The following CSF2RA variants were observed in gnomAD, a reference collection of about 807,000 sequenced individuals.
The protein encoded by CSF2RA is granulocyte-macrophage colony-stimulating factor receptor subunit alpha.
Under a neutral mutation model 51.6 loss-of-function variants are expected in CSF2RA, and 42 were observed. The ratio of observed to expected loss-of-function variants is 0.81; its 90% CI spans 0.64 to 1.05. The LOEUF is 1.05. Ranked by LOEUF, CSF2RA falls within the 50% of genes least tolerant of loss-of-function variation. The pLI is 0.00. For synonymous variants in CSF2RA, 222 were observed against 193.0 expected (o/e 1.15, Z -1.24); for missense variants, 530 against 501.1 (o/e 1.06, Z -0.55).
chrX:1,307,350 C>T (rs182781105), intron 12 of CSF2RA, among the ~76,000 whole-genome samples: 76 of 152,074 alleles, frequency 5.0e-4, no homozygotes, highest in East Asian at 1.2e-3. Context: ...CCACCCTTCC[C>T]CCTTTACACC....
At position 1,300,769 on chromosome X, in the gene CSF2RA, T is replaced by A. The variant is rs769050424; in HGVS notation, c.946+143T>A. Reference sequence around the variant, plus strand: ...TAGTGTCAGGCTCTGAGCTTATCGCTGAGGCTCAAAAGAAGGAGGTGGTCT... The same window carrying A: ...TAGTGTCAGGCTCTGAGCTTATCGCAGAGGCTCAAAAGAAGGAGGTGGTCT... On this transcript the variant is annotated intron_variant, in intron 10 of 12. Coordinates refer to ENST00000381529, the MANE Select transcript of CSF2RA (RefSeq NM_172245.4). The A allele has an allele frequency of 4.6e-6, 5 of 1,093,244 alleles. No individual in the cohort carries two copies. The South Asian group carries it at 6.4e-5, about 14-fold the overall frequency. The allele number at this position is 1,093,244 out of a possible 1,614,324, so 67.7% of individuals were successfully genotyped here. A position where few individuals can be genotyped will look rare whatever the true frequency, so the allele number is the denominator to read the frequency against.
the CSF2RA span, among the ~76,000 whole-genome samples, chrX:1,320,647 A>G: frequency 2.7e-5 from 4 of 145,956 alleles, no homozygotes; most frequent in Non-Finnish European, 4.5e-5. Context: ...ACAGGCGCCC[A>G]CCATCATGCC....
At chrX:1,295,233 A>G (rs1182960837) in intron 8 of CSF2RA, among the ~76,000 whole-genome samples, 194 bp from the exon 9 acceptor site, 4 of 145,200 alleles carry the variant, frequency 2.8e-5, no homozygotes, top group Non-Finnish European at 6.1e-5. Context: ...TCTGGCCAGG[A>G]AGACTTCTGT....
At chrX:1,292,707 T>C (rs1253677459) in intron 7 of CSF2RA, among the ~76,000 whole-genome samples, 1 of 152,126 alleles carries the variant, frequency 6.6e-6, no homozygotes, top group Admixed American at 6.6e-5. Flanking sequence ...ACAGGGCGGT[T>C]TTCTCCTGTC....
chrX:1,286,570 CAAAA>C (rs751865388), intron 4 of CSF2RA, among the ~76,000 whole-genome samples: 42,641 of 142,824 alleles, frequency 0.3, 6,285 homozygotes, highest in Admixed American at 0.35. Context: ...ACTCTGTCTC[CAAAA>C]AAAAAAAAAA....
chrX:1,283,275 CCT>C (rs1318607383), intron 3 of CSF2RA, among the ~76,000 whole-genome samples: 1 of 149,212 alleles, frequency 6.7e-6, no homozygotes, highest in African/African-American at 2.5e-5. Flanking sequence ...TTCTCTCCCT[CCT>C]GATTCATTTC....
intron 2 of CSF2RA, among the ~76,000 whole-genome samples, chrX:1,280,642 TC>T (rs749392476): frequency 2.7e-5 from 4 of 150,568 alleles, no homozygotes; most frequent in Admixed American, 2.0e-4. Context: ...CTCCTCCTTC[TC>T]CCCCCTTCCT....
At position 1,283,175 on chromosome X, in the gene CSF2RA, C is replaced by G. The variant is rs770762877; in HGVS notation, c.76+396C>G. Among the ~76,000 whole-genome samples, 414 of 112,838 alleles carry G rather than the reference C, an allele frequency of 3.7e-3. 2 individuals are homozygous for G. Among genetic ancestry groups the G allele is most frequent in the African/African-American group, 0.013 (395 of 29,688 alleles). The allele number at this position is 112,838 out of a possible 152,430, so 74.0% of individuals were successfully genotyped here. A position where few individuals can be genotyped will look rare whatever the true frequency, so the allele number is the denominator to read the frequency against. On this transcript the variant is annotated intron_variant, in intron 3 of 12. Coordinates refer to ENST00000381529, the MANE Select transcript of CSF2RA (RefSeq NM_172245.4). ...CCTTCGTTCCTTCCTTCGTTCCTTCCTTCCTTCCTTCCTTCCTTCCCTCCC... is the reference window on the plus strand; with the variant it reads ...CCTTCGTTCCTTCCTTCGTTCCTTCGTTCCTTCCTTCCTTCCTTCCCTCCC...
At chrX:1,320,803 A>ACG in the CSF2RA span, among the ~76,000 whole-genome samples, 1 of 148,150 alleles carries the variant, frequency 6.7e-6, no homozygotes, top group Non-Finnish European at 1.5e-5. Flanking sequence ...GAGCCACTGC[A>ACG]CCCAGCCTGT....
At chrX:1,287,016 C>G (rs756539281) in intron 4 of CSF2RA, among the ~76,000 whole-genome samples, 2 of 151,158 alleles carry the variant, frequency 1.3e-5, no homozygotes, top group Admixed American at 6.6e-5. Context: ...TATGGATGAT[C>G]GATAGATAGG....
chrX:1,321,392 C>T, the CSF2RA span, among the ~76,000 whole-genome samples: 1 of 151,892 alleles, frequency 6.6e-6, no homozygotes, highest in East Asian at 1.9e-4. Context: ...TGGCGTGAAC[C>T]CGGGAGGCGG....
At chrX:1,289,123 G>C (rs2091089685) in intron 6 of CSF2RA, 3 of 573,762 alleles carry the variant, frequency 5.2e-6, no homozygotes, top group Non-Finnish European at 9.3e-6. Flanking sequence ...CACCACACCA[G>C]GCCACATCTA....
intron 12 of CSF2RA, among the ~76,000 whole-genome samples, chrX:1,308,523 C>T (rs1254819246): frequency 6.6e-6 from 1 of 152,000 alleles, no homozygotes; most frequent in African/African-American, 2.4e-5. Context: ...CCTCTCCCAC[C>T]CACCTCTCTC....
intron 3 of CSF2RA, among the ~76,000 whole-genome samples, chrX:1,283,115 GTTCCTTCGTTCC>G (rs1360733702): frequency 1.6e-4 from 15 of 91,178 alleles, no homozygotes; most frequent in East Asian, 8.3e-4. Context: ...TCGTTCCTTC[GTTCCTTCGTTCC>G]TTCCTTCCTT....
At chrX:1,289,009 T>A in intron 6 of CSF2RA, 121 bp downstream of exon 6, 1 of 1,353,410 alleles carries the variant, frequency 7.4e-7, no homozygotes, top group Non-Finnish European at 1.0e-6. Flanking sequence ...TTGCCCAGGC[T>A]GCAATGCAAT....
At chrX:1,314,813 C>CCACTGCACCTGCCCAACCG (rs2084454522), downstream of CSF2RA, among the ~76,000 whole-genome samples, 3 of 73,970 alleles carry the variant, frequency 4.1e-5, no homozygotes, top group South Asian at 9.8e-4. Flanking sequence ...CTGCCCAACC[C>CCACTGCACCTGCCCAACCG]CACTGTGCCT....
At chrX:1,297,914 C>T (rs866666693) in intron 9 of CSF2RA, among the ~76,000 whole-genome samples, 28 of 53,984 alleles carry the variant, frequency 5.2e-4, no homozygotes, top group South Asian at 7.2e-4. Context: ...CTACAGTCTC[C>T]TACCCATGAC....
chrX:1,309,541 T>C lies in CSF2RA; in HGVS notation c.*62T>C. ...CCTCCGCGACACGGGGGAACTGTTT[T>C]CTTGATGATGCTGTGAACCTTTATA... On this transcript the variant is annotated 3_prime_UTR_variant, in exon 13 of 13. Coordinates refer to ENST00000381529, the MANE Select transcript of CSF2RA (RefSeq NM_172245.4). The C allele has an allele frequency of 6.2e-7, 1 of 1,614,002 alleles. No individual in the cohort carries two copies. Among genetic ancestry groups the C allele is most frequent in the Non-Finnish European group, 8.5e-7 (1 of 1,179,864 alleles).
chrX:1,291,752 G>GCCCCA (rs1569503665), intron 7 of CSF2RA, among the ~76,000 whole-genome samples: 1 of 151,006 alleles, frequency 6.6e-6, no homozygotes, highest in Non-Finnish European at 1.5e-5. Context: ...AGGAGACCCT[G>GCCCCA]TACCACCTCC....
Sources: gnomAD v4.1 joint callset for allele counts (sites outside exome capture counted in the v4.1 genomes callset) on GRCh38, gnomAD v4.1.1 for gene constraint, MANE v1.5 for transcripts, NCBI Gene and HGNC (gene_info 2026-07-23, HGNC 2026-07-21) for gene names.